Variants in MRAS observed in about 807,000 individuals in gnomAD.
MRAS encodes the protein muscle RAS oncogene homolog, also known as ras-related protein M-Ras.
Under a neutral mutation model 20.9 loss-of-function variants are expected in MRAS, and 4 were observed. The ratio of observed to expected loss-of-function variants is 0.19; its 90% CI spans 0.09 to 0.44. The LOEUF (loss-of-function observed/expected upper bound fraction) is 0.44, where lower values mean the gene tolerates loss of function less well. Ranked by LOEUF, MRAS falls within the 20% of genes least tolerant of loss-of-function variation. The pLI is 0.99. For synonymous variants in MRAS, 98 were observed against 102.9 expected (o/e 0.95, Z 0.29); for missense variants, 154 against 277.5 (o/e 0.56, Z 3.16).
At chr3:138,389,681 A>G (rs1420029804) in intron 2 of MRAS, among the ~76,000 whole-genome samples, 1 of 151,800 alleles carries the variant, frequency 6.6e-6, no homozygotes, top group Non-Finnish European at 1.5e-5. Context: ...TTCCTGGTGC[A>G]TGGCCTTTAG....
At chr3:138,350,926 G>C (rs2054213841) in intron 1 of MRAS, among the ~76,000 whole-genome samples, 1 of 135,842 alleles carries the variant, frequency 7.4e-6, no homozygotes, top group Admixed American at 8.0e-5. Context: ...TTGGGTGACA[G>C]AGCAAGACCC....
intron 3 of MRAS, 121 bp from the exon 4 acceptor site, chr3:138,398,348 C>T: frequency 2.5e-6 from 2 of 789,966 alleles, no homozygotes; most frequent in Non-Finnish European, 4.3e-6. Context: ...GACTGCAGTC[C>T]AGGCTGACTG....
intron 2 of MRAS, among the ~76,000 whole-genome samples, chr3:138,385,138 G>A (rs1205719582): frequency 6.6e-6 from 1 of 151,300 alleles, no homozygotes; most frequent in South Asian, 2.1e-4. Flanking sequence ...AGGCCAAGGG[G>A]CGGGGTTTTG....
intron 1 of MRAS, 35 bp from the exon 2 acceptor site, chr3:138,372,831 C>G: frequency 5.8e-6 from 8 of 1,388,512 alleles, no homozygotes; most frequent in Non-Finnish European, 6.7e-6. Flanking sequence ...GTTAAAAAAG[C>G]CCTCTGTCTC....
At chr3:138,352,420 C>CTGCTT (rs2054247328) in intron 1 of MRAS, among the ~76,000 whole-genome samples, 1 of 152,156 alleles carries the variant, frequency 6.6e-6, no homozygotes, top group African/African-American at 2.4e-5. Context: ...CATGAAGCAG[C>CTGCTT]AATGTGTATT....
At chr3:138,397,208 A>G in intron 2 of MRAS, 116 bp from the exon 3 acceptor site, 2 of 1,246,974 alleles carry the variant, frequency 1.6e-6, no homozygotes, top group Non-Finnish European at 2.2e-6. Context: ...CTCTCACGGG[A>G]CAGCTCGGAC....
At chr3:138,382,802 G>A (rs959731336) in intron 2 of MRAS, among the ~76,000 whole-genome samples, 30 of 152,216 alleles carry the variant, frequency 2.0e-4, no homozygotes, top group African/African-American at 7.0e-4. Flanking sequence ...GGTCATATAT[G>A]CCAGTTAATG....
chr3:138,372,943 G>A lies in MRAS; in HGVS notation c.60G>A (p.Gly20=). 6.4e-7 allele frequency: 1 copy of A among 1,562,520 alleles called. No individual in the cohort carries two copies. The highest frequency in any genetic ancestry group is 1.2e-5 in the South Asian group (1 of 83,458). ...CCACATACAAGCTGGTGGTGGTGGG[G>A]GATGGGGGTGTGGGCAAAAGTGCCC... ...NLPTYKLVVV[G]DGGVGKSALT... is the part of the protein sequence containing the mutation. The change falls in exon 2 of 6, where the codon GGG becomes GGA. Residue 20 remains glycine, a synonymous_variant. Transcript: ENST00000423968.
At chr3:138,389,951 G>C (rs1051253647) in intron 2 of MRAS, among the ~76,000 whole-genome samples, 3 of 152,176 alleles carry the variant, frequency 2.0e-5, no homozygotes, top group South Asian at 2.1e-4. Flanking sequence ...GGGTGGAAGA[G>C]GGGGAGAAGG....
intron 5 of MRAS, among the ~76,000 whole-genome samples, chr3:138,401,759 G>A (rs1271208269): frequency 6.6e-6 from 1 of 152,194 alleles, no homozygotes; most frequent in Non-Finnish European, 1.5e-5. Flanking sequence ...CATAGGAAAA[G>A]TTAACAGAAA....
Position 138,402,377 on chromosome 3 carries a change from C to A in MRAS, c.*108C>A. 1 of 985,436 alleles carries A rather than the reference C, an allele frequency of 1.0e-6. No individual in the cohort carries two copies. Among genetic ancestry groups the A allele is most frequent in the Non-Finnish European group, 1.5e-6 (1 of 652,528 alleles). The allele number at this position is 985,436 out of a possible 1,614,324, so 61.0% of individuals were successfully genotyped here. ...CTAACCACAACCCTTGGCCCAAGGA[C>A]TTGGTACAGGAAGGGAGAAGGGCAG... On this transcript the variant is annotated 3_prime_UTR_variant, in exon 6 of 6. Coordinates refer to ENST00000423968, the MANE Select transcript of MRAS (RefSeq NM_001085049.3).
chr3:138,356,453 A>G (rs774516012), intron 1 of MRAS, among the ~76,000 whole-genome samples: 1 of 152,172 alleles, frequency 6.6e-6, no homozygotes, highest in African/African-American at 2.4e-5. Flanking sequence ...TAGAATTTCA[A>G]CGTGCCTTCT....
chr3:138,352,093 G>C (rs1436563292), intron 1 of MRAS, among the ~76,000 whole-genome samples: 1 of 152,242 alleles, frequency 6.6e-6, no homozygotes, highest in African/African-American at 2.4e-5. Context: ...TGCCCAGCCT[G>C]TGAGTTGAAG....
chr3:138,370,458 G>A (rs1229085350), intron 1 of MRAS, among the ~76,000 whole-genome samples: 1 of 152,112 alleles, frequency 6.6e-6, no homozygotes, highest in Non-Finnish European at 1.5e-5. Context: ...AGAGGCCACT[G>A]GGCCACCCCT....
At chr3:138,350,900 G>A (rs957315594) in intron 1 of MRAS, among the ~76,000 whole-genome samples, 33 of 140,594 alleles carry the variant, frequency 2.3e-4, no homozygotes, top group African/African-American at 9.0e-4. Context: ...CCATGATCAC[G>A]CCACTGCACT....
At chr3:138,393,503 T>C (rs765816855) in intron 2 of MRAS, among the ~76,000 whole-genome samples, 1 of 152,214 alleles carries the variant, frequency 6.6e-6, no homozygotes. Context: ...TTCTAAGACC[T>C]TCAATGTCTG....
At chr3:138,355,232 T>C (rs983312871) in intron 1 of MRAS, among the ~76,000 whole-genome samples, 1 of 152,160 alleles carries the variant, frequency 6.6e-6, no homozygotes, top group African/African-American at 2.4e-5. Flanking sequence ...ACTGGGTCCT[T>C]CTCTCTGCCA....
intron 2 of MRAS, among the ~76,000 whole-genome samples, chr3:138,376,608 A>G (rs2347251): frequency 0.015 from 2,226 of 152,330 alleles, 48 homozygotes; most frequent in African/African-American, 0.048. Context: ...TCACATTACA[A>G]TAATAAGTAT....
intron 1 of MRAS, among the ~76,000 whole-genome samples, chr3:138,356,373 A>C (rs2054334749): frequency 6.6e-6 from 1 of 152,200 alleles, no homozygotes; most frequent in African/African-American, 2.4e-5. Flanking sequence ...CTTGCCTCTC[A>C]AAAGCATTAT....
Sources: allele counts gnomAD v4.1 joint callset (sites outside exome capture counted in the v4.1 genomes callset), GRCh38; gene constraint gnomAD v4.1.1; transcripts MANE v1.5; gene names NCBI Gene and HGNC (gene_info 2026-07-23, HGNC 2026-07-21).